Variants in DENND5B observed in about 807,000 individuals in gnomAD.
The protein encoded by DENND5B is DENN domain containing 5B, also known as DENN domain-containing protein 5B.
Under a neutral mutation model 140.6 loss-of-function variants are expected in DENND5B, and 34 were observed. The observed-to-expected ratio is 0.24, with a 90% CI of 0.18 to 0.32. The LOEUF (loss-of-function observed/expected upper bound fraction) is 0.32. DENND5B is among the 10% of genes least tolerant of loss of function. DENND5B has a pLI of 1.00. For missense variants in DENND5B, 1,142 were observed against 1,560.2 expected (o/e 0.73, Z 4.52); for synonymous variants, 551 against 562.1 (o/e 0.98, Z 0.28).
At chr12:31,576,955 C>CT (rs1372588462) in intron 1 of DENND5B, among the ~76,000 whole-genome samples, 1 of 151,886 alleles carries the variant, frequency 6.6e-6, no homozygotes, top group African/African-American at 2.4e-5. Context: ...GATACAAGAA[C>CT]TTTTTTGTCA....
intron 3 of DENND5B, among the ~76,000 whole-genome samples, chr12:31,462,190 T>C (rs1364898929): frequency 2.0e-5 from 3 of 152,118 alleles, no homozygotes; most frequent in South Asian, 2.1e-4. Flanking sequence ...ACACACATTT[T>C]ACAGCCAAGG....
rs1945976742 is a variant in DENND5B at position 31,479,608 on chromosome 12, T to C, written c.885A>G (p.Gln295=). The C allele has an allele frequency of 4.0e-6, 6 of 1,498,688 alleles. No individual in the cohort carries two copies. The highest frequency in any genetic ancestry group is 4.4e-6 in the Non-Finnish European group (5 of 1,125,516). 92.8% of individuals were successfully genotyped at this position (1,498,688 alleles called of 1,614,324 possible). A position where few individuals can be genotyped will look rare whatever the true frequency, so the allele number is the denominator to read the frequency against. The change falls in exon 3 of 21, where the codon CAA becomes CAG. Residue 295 remains glutamine, a synonymous_variant. Coordinates refer to ENST00000389082, the MANE Select transcript of DENND5B (RefSeq NM_144973.4). ...ACCTACCTTGTGAGTAGAGAAGGATTTGCATCTCTAAAAGAACACAGGTAA... is the reference window on the plus strand; with the variant it reads ...ACCTACCTTGTGAGTAGAGAAGGATCTGCATCTCTAAAAGAACACAGGTAA... ...QVFTCVLLEM[Q]ILLYSQDYQR...
chr12:31,419,339 C>T (rs1942911569), intron 11 of DENND5B, among the ~76,000 whole-genome samples: 1 of 151,954 alleles, frequency 6.6e-6, no homozygotes, highest in Non-Finnish European at 1.5e-5. Context: ...ATTCCAGTTA[C>T]TTGGGAGGCA....
At chr12:31,460,723 T>C (rs914977424) in intron 3 of DENND5B, among the ~76,000 whole-genome samples, 5 of 152,144 alleles carry the variant, frequency 3.3e-5, no homozygotes, top group Non-Finnish European at 7.4e-5. Context: ...CAAGATACAG[T>C]GTAACATTGT....
chr12:31,445,440 A>C (rs1308224576), intron 6 of DENND5B, among the ~76,000 whole-genome samples: 2 of 152,222 alleles, frequency 1.3e-5, no homozygotes, highest in Non-Finnish European at 2.9e-5. Context: ...ATGATGGCTC[A>C]TGCCTGTAAT....
At chr12:31,420,186 G>T in intron 11 of DENND5B, 4 of 509,694 alleles carry the variant, frequency 7.8e-6, no homozygotes, top group Non-Finnish European at 1.0e-5. Flanking sequence ...GAGTGCAGTG[G>T]TGGGATCACA....
intron 4 of DENND5B, among the ~76,000 whole-genome samples, chr12:31,453,709 C>A (rs1431013309): frequency 1.3e-5 from 2 of 152,168 alleles, no homozygotes; most frequent in Admixed American, 6.6e-5. Context: ...TCACACTGCT[C>A]TCTGATCCTA....
intron 1 of DENND5B, among the ~76,000 whole-genome samples, chr12:31,526,727 G>T (rs1004988666): frequency 1.3e-5 from 2 of 152,134 alleles, no homozygotes; most frequent in Non-Finnish European, 2.9e-5. Flanking sequence ...TTAGTTAACA[G>T]TATTATTCCA....
chr12:31,460,457 G>A (rs963188216), intron 3 of DENND5B, 76 bp from the exon 4 acceptor site: 8 of 1,441,740 alleles, frequency 5.5e-6, no homozygotes, highest in African/African-American at 1.4e-5. Context: ...GGAAAATGTG[G>A]ATCTTAAGAA....
intron 1 of DENND5B, among the ~76,000 whole-genome samples, chr12:31,511,888 A>G (rs970437819): frequency 1.3e-5 from 2 of 148,708 alleles, no homozygotes; most frequent in African/African-American, 5.0e-5. Context: ...ACTAAAATAT[A>G]ATTTAAGAAA....
rs1940754015 is a variant in DENND5B at position 31,384,255 on chromosome 12, T to C, written c.*3348A>G. ...CCAGGCTGGACTCAAACTCCTGGGT[T>C]GAAGTGATCCTCCTGCCTTGGCTTC... is the stretch of plus-strand genomic sequence containing the variant. On this transcript the variant is annotated 3_prime_UTR_variant, in exon 21 of 21. Transcript: ENST00000389082. 6.6e-6 allele frequency: 1 copy of C among 152,146 alleles called. No homozygotes were observed. The highest frequency in any genetic ancestry group is 2.4e-5 in the African/African-American group (1 of 41,412). The allele number at this position is 152,146 out of a possible 1,614,324, so 9.4% of individuals were successfully genotyped here.
chr12:31,579,747 A>G (rs1273476078), intron 1 of DENND5B, among the ~76,000 whole-genome samples: 3 of 132,928 alleles, frequency 2.3e-5, no homozygotes, highest in Admixed American at 7.9e-5. Flanking sequence ...GAGGGGAGGG[A>G]AGGGAGAGAG....
At chr12:31,580,142 C>T (rs1182386121) in intron 1 of DENND5B, among the ~76,000 whole-genome samples, 2 of 152,054 alleles carry the variant, frequency 1.3e-5, no homozygotes, top group Non-Finnish European at 2.9e-5. Flanking sequence ...AGTACAACCA[C>T]TTTCTGAAAT....
chr12:31,407,905 C>T (rs117035339), intron 14 of DENND5B, among the ~76,000 whole-genome samples: 1 of 152,100 alleles, frequency 6.6e-6, no homozygotes. Context: ...CTAATTGATA[C>T]AAGTAAAAAT....
intron 1 of DENND5B, among the ~76,000 whole-genome samples, chr12:31,564,919 T>C (rs568296624): frequency 3.0e-4 from 45 of 152,216 alleles, no homozygotes; most frequent in East Asian, 1.7e-3. Context: ...AGATAGCAGA[T>C]TGTATTATTT....
At chr12:31,408,929 T>C (rs923202914) in intron 14 of DENND5B, among the ~76,000 whole-genome samples, 2 of 152,196 alleles carry the variant, frequency 1.3e-5, no homozygotes, top group African/African-American at 4.8e-5. Flanking sequence ...ATGTTAAGCT[T>C]CGATGCAGTC....
Position 31,555,215 on chromosome 12 carries a change from C to T in DENND5B, c.127+35491G>A, listed in dbSNP as rs554293600. 7.9e-5 allele frequency among the ~76,000 whole-genome samples: 12 copies of T among 152,172 alleles called. No individual in the cohort carries two copies. The East Asian group carries it at 1.7e-3, about 22-fold the overall frequency. On this transcript the variant is annotated intron_variant, in intron 1 of 20. Coordinates refer to ENST00000389082, the MANE Select transcript of DENND5B (RefSeq NM_144973.4). ...TACCTTTGGACTTTGATGATGGTGACGTACAGATGGGTTTTTGGTGTGGAT... is the reference window on the plus strand; with the variant it reads ...TACCTTTGGACTTTGATGATGGTGATGTACAGATGGGTTTTTGGTGTGGAT...
intron 2 of DENND5B, among the ~76,000 whole-genome samples, chr12:31,488,693 G>A (rs1946404847): frequency 3.3e-5 from 5 of 152,162 alleles, no homozygotes; most frequent in Admixed American, 3.3e-4. Flanking sequence ...TACTTTCTCA[G>A]AAAACCTGAG....
At chr12:31,473,896 T>C (rs1329921931) in intron 3 of DENND5B, among the ~76,000 whole-genome samples, 4 of 152,198 alleles carry the variant, frequency 2.6e-5, no homozygotes, top group African/African-American at 9.6e-5. Context: ...TCCCTTGGAC[T>C]GACTTTGGAA....
Sources: allele counts gnomAD v4.1 joint callset (sites outside exome capture counted in the v4.1 genomes callset), GRCh38; gene constraint gnomAD v4.1.1; transcripts MANE v1.5; gene names NCBI Gene and HGNC (gene_info 2026-07-23, HGNC 2026-07-21).